Variants in GPD1L observed in about 807,000 individuals in gnomAD.
GPD1L encodes the protein glycerol-3-phosphate dehydrogenase 1-like protein.
A neutral mutation model predicts 32.9 loss-of-function variants in GPD1L; 17 were observed. That is an observed-to-expected ratio of 0.52 (90% CI 0.35 to 0.78). The LOEUF is 0.78. GPD1L is among the 30% of genes least tolerant of loss of function. The pLI is 0.01. For missense variants in GPD1L, 361 were observed against 447.8 expected, an observed-to-expected ratio of 0.81 and a Z score of 1.75; for synonymous variants, 187 against 165.9, an observed-to-expected ratio of 1.13 and a Z score of -0.98.
chr3:32,157,531 G>A (rs1237453024), intron 5 of GPD1L, among the ~76,000 whole-genome samples: 1 of 152,188 alleles, frequency 6.6e-6, no homozygotes, highest in Non-Finnish European at 1.5e-5. Flanking sequence ...CCAGGGCTGA[G>A]TGGGGTGCTC....
intron 5 of GPD1L, among the ~76,000 whole-genome samples, chr3:32,147,692 C>G (rs369167844): frequency 6.6e-6 from 1 of 152,198 alleles, no homozygotes; most frequent in Non-Finnish European, 1.5e-5. Flanking sequence ...ATCTCTTTTG[C>G]AGCAAAAAGC....
chr3:32,158,494 T>G (rs905755565), intron 5 of GPD1L: 44 of 336,996 alleles, frequency 1.3e-4, no homozygotes, highest in Admixed American at 2.6e-4. Context: ...ATCCGTGCAC[T>G]TAGGATTTGT....
intron 7 of GPD1L, among the ~76,000 whole-genome samples, chr3:32,163,852 T>TA (rs1237297277): frequency 6.6e-6 from 1 of 152,194 alleles, no homozygotes; most frequent in Non-Finnish European, 1.5e-5. Context: ...AACACACAGT[T>TA]ATAACAGGGA....
At chr3:32,124,210 C>T (rs901692389) in intron 1 of GPD1L, among the ~76,000 whole-genome samples, 2 of 152,042 alleles carry the variant, frequency 1.3e-5, no homozygotes, top group African/African-American at 4.8e-5. Flanking sequence ...GGACTACAGG[C>T]GCACGCCACC....
chr3:32,132,141 G>A (rs1267596136), intron 2 of GPD1L, among the ~76,000 whole-genome samples: 1 of 152,158 alleles, frequency 6.6e-6, no homozygotes, highest in Non-Finnish European at 1.5e-5. Context: ...CTCCTGTTCT[G>A]TGGGTTTTCT....
chr3:32,143,485 A>G (rs184311437), intron 4 of GPD1L, among the ~76,000 whole-genome samples: 120 of 152,222 alleles, frequency 7.9e-4, no homozygotes, highest in African/African-American at 2.8e-3. Context: ...TGACTCTTCA[A>G]AAAAGTCAGT....
At chr3:32,125,768 T>A (rs886550825) in intron 1 of GPD1L, among the ~76,000 whole-genome samples, 2 of 151,554 alleles carry the variant, frequency 1.3e-5, no homozygotes, top group Non-Finnish European at 2.9e-5. Flanking sequence ...TTTCCCCTGC[T>A]GTATTACCAC....
intron 1 of GPD1L, among the ~76,000 whole-genome samples, chr3:32,122,121 C>T (rs1700432264): frequency 6.6e-6 from 1 of 152,148 alleles, no homozygotes. Flanking sequence ...TCTCTGTTTA[C>T]CAGTCTCCAA....
At chr3:32,128,485 CTT>C (rs1700544572) in intron 2 of GPD1L, among the ~76,000 whole-genome samples, 1 of 152,090 alleles carries the variant, frequency 6.6e-6, no homozygotes, top group African/African-American at 2.4e-5. Context: ...AGAAATTTAT[CTT>C]TTATAATTCT....
At position 32,126,335 on chromosome 3, in the gene GPD1L, G is replaced by T. The variant is rs77960950; in HGVS notation, c.48-1741G>T. On this transcript the variant is annotated intron_variant, in intron 1 of 7. Transcript: ENST00000282541. ...TAAAGGGGAAAGCAAGTGTATTCCA[G>T]TAAGATCATGGGGAGGGATTCCTGG... Among the ~76,000 whole-genome samples, 10 of 152,334 alleles carry T rather than the reference G, an allele frequency of 6.6e-5. No individual in the cohort carries two copies. The East Asian group carries it at 1.5e-3, about 24-fold the overall frequency.
In GPD1L at chr3:32,144,756, G is replaced by T. The variant is rs1430711125; in HGVS notation, c.506-1866G>T. On this transcript the variant is annotated intron_variant, in intron 4 of 7. Coordinates refer to ENST00000282541, the MANE Select transcript of GPD1L (RefSeq NM_015141.4). ...GCTGGAGTGCAGTGGCGTGATCTCG[G>T]CTCACAGCAACCTCCGCCCCCTGGG... Among the ~76,000 whole-genome samples, 70 of 147,468 alleles carry T rather than the reference G, an allele frequency of 4.7e-4. 1 individual carries two copies. The highest frequency in any genetic ancestry group is 4.7e-3 in the Admixed American group (68 of 14,600).
In GPD1L at chr3:32,123,839, T is replaced by TAGACAGAC. The variant is rs139824495; in HGVS notation, c.48-4233_48-4226dup. 4.3e-3 allele frequency among the ~76,000 whole-genome samples: 578 copies of TAGACAGAC among 134,570 alleles called. 2 individuals carry two copies. The highest frequency in any genetic ancestry group is 0.029 in the Middle Eastern group (8 of 278). The allele number at this position is 134,570 out of a possible 152,430, so 88.3% of individuals were successfully genotyped here. ...ATAGATAGATAGATAGATAGATAGA[T>TAGACAGAC]AGACAGACAGATAAGACCCATGCCT... On this transcript the variant is annotated intron_variant, in intron 1 of 7. Coordinates refer to ENST00000282541, the MANE Select transcript of GPD1L (RefSeq NM_015141.4).
At position 32,159,098 on chromosome 3, in the gene GPD1L, A is replaced by G. The variant is rs950939315; in HGVS notation, c.841A>G (p.Arg281Gly). The G allele has an allele frequency of 2.5e-6, 4 of 1,613,012 alleles. No homozygotes were observed. The highest frequency in any genetic ancestry group is 3.4e-6 in the Non-Finnish European group (4 of 1,179,554). Residue 281 changes from arginine (R) to glycine (G), a missense_variant, in exon 6 of 8, where the codon AGA becomes GGA. Arg to Gly is a moderately radical substitution (Grantham distance 125). Coordinates refer to ENST00000282541, the MANE Select transcript of GPD1L (RefSeq NM_015141.4). The stretch of plus-strand genomic sequence containing the variant: ...CCGCAGGGTGGCCGAGGCCTTCGCC[A>G]GAACTGGGAAGGTAGCCCCTCACCT... ...RNRRVAEAFARTGKTIEELEK... is the reference protein window; with the variant it reads ...RNRRVAEAFAGTGKTIEELEK...
chr3:32,106,661 T>C lies in GPD1L; in HGVS notation c.-51T>C. ...GCGGGCAAGGCTGAACAGGCGGAGG[T>C]GGGCAGCCGGCCAGGGAAGCACGGT... On this transcript the variant is annotated 5_prime_UTR_variant, in exon 1 of 8. Coordinates refer to ENST00000282541, the MANE Select transcript of GPD1L (RefSeq NM_015141.4). This position sits in a 1 kb window ranked among gnomAD's most constrained non-coding sequence, Gnocchi z 4.0. 1 of 1,471,692 alleles carries C rather than the reference T, an allele frequency of 6.8e-7. No individual in the cohort carries two copies. The highest frequency in any genetic ancestry group is 2.2e-5 in the Admixed American group (1 of 45,048). 91.2% of individuals were successfully genotyped at this position (1,471,692 alleles called of 1,614,324 possible). A position where few individuals can be genotyped will look rare whatever the true frequency, so the allele number is the denominator to read the frequency against.
intron 5 of GPD1L, among the ~76,000 whole-genome samples, chr3:32,150,578 C>T (rs1166102769): frequency 6.6e-6 from 1 of 151,490 alleles, no homozygotes; most frequent in Non-Finnish European, 1.5e-5. Context: ...CCTCTGCCTT[C>T]CAGGTTCAAG....
chr3:32,156,612 TG>T, intron 5 of GPD1L, among the ~76,000 whole-genome samples: 1 of 152,176 alleles, frequency 6.6e-6, no homozygotes, highest in South Asian at 2.1e-4. Context: ...GAGGCCCAAT[TG>T]GATGTTTTTT....
intron 5 of GPD1L, among the ~76,000 whole-genome samples, chr3:32,157,558 T>C (rs1043887920): frequency 6.6e-6 from 1 of 152,190 alleles, no homozygotes; most frequent in Non-Finnish European, 1.5e-5. Flanking sequence ...CAGTACATGC[T>C]CAGTGCATAC....
chr3:32,147,795 T>A (rs1002459523), intron 5 of GPD1L, among the ~76,000 whole-genome samples: 4 of 152,220 alleles, frequency 2.6e-5, no homozygotes, highest in African/African-American at 9.6e-5. Flanking sequence ...GTGGAAAGAA[T>A]GCCTGTCTAT....
intron 5 of GPD1L, among the ~76,000 whole-genome samples, chr3:32,155,790 G>A (rs569501023): frequency 2.0e-5 from 3 of 152,196 alleles, no homozygotes. Flanking sequence ...GAAGGGCCTT[G>A]AAAAGTCTTG....
Sources: gnomAD v4.1 joint callset for allele counts (sites outside exome capture counted in the v4.1 genomes callset) on GRCh38, gnomAD v4.1.1 for gene constraint, Gnocchi (gnomAD v3.1) non-coding constraint, MANE v1.5 for transcripts, NCBI Gene and HGNC (gene_info 2026-07-23, HGNC 2026-07-21) for gene names.